PLD1: variants seen among roughly 807,000 people sequenced by gnomAD.
PLD1 encodes the protein phospholipase D1.
PLD1 carries 112 observed loss-of-function variants against 137.1 expected under a neutral mutation model. The observed-to-expected ratio is 0.82, with a 90% CI of 0.70 to 0.96. The LOEUF is 0.96. Ranked by LOEUF, PLD1 falls within the 40% of genes least tolerant of loss-of-function variation. The probability of loss-of-function intolerance (pLI) is 0.00; values close to 1 mark genes in which losing one functional copy is unlikely to be tolerated. For missense variants in PLD1, 1,321 were observed against 1,342.0 expected (o/e 0.98, Z 0.24); for synonymous variants, 431 against 454.7 (o/e 0.95, Z 0.66).
chr3:171,734,503 T>C (rs1443220420), intron 5 of PLD1, among the ~76,000 whole-genome samples: 2 of 152,208 alleles, frequency 1.3e-5, no homozygotes, highest in African/African-American at 4.8e-5. Flanking sequence ...TAAGATGGGC[T>C]ATTACAAACA....
At chr3:171,749,345 A>C (rs1211294319) in intron 1 of PLD1, among the ~76,000 whole-genome samples, 2 of 152,196 alleles carry the variant, frequency 1.3e-5, no homozygotes, top group African/African-American at 2.4e-5. Context: ...GCAGCCTGGA[A>C]GTGACACTCT....
rs1013380769 is a variant in PLD1, at chr3:171,601,965, G to A, written c.*1113C>T. On this transcript the variant is annotated 3_prime_UTR_variant, in exon 27 of 27. Coordinates refer to ENST00000351298, the MANE Select transcript of PLD1 (RefSeq NM_002662.5). ...TTAATACATATTTAATAATGTAAGTGAAGTAGCACATATTTTATAATCAAT... is the reference window on the plus strand; with the variant it reads ...TTAATACATATTTAATAATGTAAGTAAAGTAGCACATATTTTATAATCAAT... The A allele has an allele frequency of 6.6e-6, 1 of 152,200 alleles. No homozygotes were observed. Among genetic ancestry groups the A allele is most frequent in the South Asian group, 2.1e-4 (1 of 4,824 alleles). The allele number at this position is 152,200 out of a possible 1,614,324, so 9.4% of individuals were successfully genotyped here. A position where few individuals can be genotyped will look rare whatever the true frequency, so the allele number is the denominator to read the frequency against.
At chr3:171,709,454 A>T (rs778712575) in intron 10 of PLD1, 106 bp downstream of exon 10, 22 of 859,480 alleles carry the variant, frequency 2.6e-5, no homozygotes, top group Non-Finnish European at 3.9e-5. Flanking sequence ...GTTAAGTATA[A>T]TGCATAATCT....
intron 19 of PLD1, among the ~76,000 whole-genome samples, chr3:171,673,488 C>G (rs1026971174): frequency 6.6e-6 from 1 of 152,034 alleles, no homozygotes; most frequent in Non-Finnish European, 1.5e-5. Flanking sequence ...CCAGGCTGGT[C>G]TCGAACTCCT....
chr3:171,611,120 C>T (rs921183320), intron 25 of PLD1, among the ~76,000 whole-genome samples: 3 of 152,188 alleles, frequency 2.0e-5, no homozygotes, highest in Non-Finnish European at 4.4e-5. Context: ...AAGGGCATAA[C>T]GCACTGATCT....
intron 1 of PLD1, among the ~76,000 whole-genome samples, chr3:171,782,471 A>T (rs1053082758): frequency 6.6e-6 from 1 of 152,234 alleles, no homozygotes; most frequent in Admixed American, 6.5e-5. Flanking sequence ...AATGTTTAGG[A>T]GTGAGTGTAC....
At chr3:171,625,776 A>C (rs893894413) in intron 23 of PLD1, among the ~76,000 whole-genome samples, 1 of 152,216 alleles carries the variant, frequency 6.6e-6, no homozygotes, top group Admixed American at 6.5e-5. Flanking sequence ...CTCCAACAGA[A>C]CTGCAGCTGA....
chr3:171,735,087 C>G (rs1238009330), intron 4 of PLD1, 117 bp from the exon 5 acceptor site: 1 of 646,308 alleles, frequency 1.5e-6, no homozygotes, highest in East Asian at 2.6e-5. Flanking sequence ...AAAATATCTA[C>G]CAACAATAGA....
At chr3:171,664,104 G>A (rs918147312) in intron 19 of PLD1, among the ~76,000 whole-genome samples, 1 of 151,938 alleles carries the variant, frequency 6.6e-6, no homozygotes, top group Non-Finnish European at 1.5e-5. Context: ...AGATGAATAT[G>A]TGCAACAAAA....
intron 4 of PLD1, among the ~76,000 whole-genome samples, 183 bp downstream of exon 4, chr3:171,735,309 A>AT (rs1203540032): frequency 1.3e-5 from 2 of 151,964 alleles, no homozygotes; most frequent in Admixed American, 6.6e-5. Context: ...TAAATTTTTA[A>AT]TTTTTTTATA....
At chr3:171,747,639 A>G (rs1211556275) in intron 1 of PLD1, among the ~76,000 whole-genome samples, 2 of 152,164 alleles carry the variant, frequency 1.3e-5, no homozygotes, top group African/African-American at 4.8e-5. Flanking sequence ...TCCTGCAGAA[A>G]TTCATTTATG....
intron 17 of PLD1, 121 bp downstream of exon 17, chr3:171,677,445 A>G: frequency 4.9e-6 from 5 of 1,019,162 alleles, no homozygotes; most frequent in Non-Finnish European, 7.1e-6. Context: ...AGTTTTAAAA[A>G]ATTTTCAAAA....
intron 12 of PLD1, among the ~76,000 whole-genome samples, chr3:171,694,292 C>T (rs1325636121): frequency 6.6e-6 from 1 of 151,986 alleles, no homozygotes; most frequent in Non-Finnish European, 1.5e-5. Flanking sequence ...TAACAGCTGG[C>T]TTTTAGTACT....
At chr3:171,794,502 G>C (rs1723350989) in intron 1 of PLD1, among the ~76,000 whole-genome samples, 1 of 152,096 alleles carries the variant, frequency 6.6e-6, no homozygotes, top group Non-Finnish European at 1.5e-5. Context: ...ACCATAACTT[G>C]ATACTGGCCA....
chr3:171,770,564 G>A (rs769477340), intron 1 of PLD1, among the ~76,000 whole-genome samples: 1 of 152,008 alleles, frequency 6.6e-6, no homozygotes, highest in Non-Finnish European at 1.5e-5. Flanking sequence ...GGTCTAGTGC[G>A]ACGACACAAA....
intron 23 of PLD1, among the ~76,000 whole-genome samples, chr3:171,623,644 T>C (rs890433582): frequency 2.7e-5 from 4 of 149,574 alleles, no homozygotes; most frequent in Admixed American, 6.8e-5. Flanking sequence ...TATTAACACA[T>C]ACTATAAAGT....
At chr3:171,666,683 T>G (rs1233832578) in intron 19 of PLD1, among the ~76,000 whole-genome samples, 1 of 152,240 alleles carries the variant, frequency 6.6e-6, no homozygotes, top group East Asian at 1.9e-4. Flanking sequence ...CCAATGTAAC[T>G]GAGATAACCC....
chr3:171,657,745 G>C (rs756186739), intron 21 of PLD1, among the ~76,000 whole-genome samples: 3 of 152,068 alleles, frequency 2.0e-5, no homozygotes, highest in Non-Finnish European at 2.9e-5. Flanking sequence ...TGATTTCTTA[G>C]ATATCACTAT....
chr3:171,633,263 T>C (rs945236031), intron 23 of PLD1, among the ~76,000 whole-genome samples: 4 of 152,234 alleles, frequency 2.6e-5, no homozygotes, highest in African/African-American at 7.2e-5. Context: ...TGTTAATTTA[T>C]GTTATGAGGA....
Sources: gnomAD v4.1 joint callset for allele counts (sites outside exome capture counted in the v4.1 genomes callset) on GRCh38, gnomAD v4.1.1 for gene constraint, MANE v1.5 for transcripts, NCBI Gene and HGNC (gene_info 2026-07-23, HGNC 2026-07-21) for gene names.